Variants in RAPGEF6 observed in about 807,000 individuals in gnomAD.
RAPGEF6 encodes the protein PDZ domain containing guanine nucleotide exchange factor (GEF) 2.
A neutral mutation model predicts 171.4 loss-of-function variants in RAPGEF6; 56 were observed. That is an observed-to-expected ratio of 0.33 (90% CI 0.26 to 0.41). The LOEUF (loss-of-function observed/expected upper bound fraction) is 0.41, where lower values mean the gene tolerates loss of function less well. Among genes scored for constraint, RAPGEF6 ranks in the 10% least tolerant of loss-of-function variants. RAPGEF6 has a pLI of 1.00. For missense variants in RAPGEF6, 1,674 were observed against 1,921.4 expected (o/e 0.87, Z 2.41); for synonymous variants, 692 against 650.1 (o/e 1.06, Z -0.98).
chr5:131,494,828 A>G (rs1037622076), intron 13 of RAPGEF6, among the ~76,000 whole-genome samples: 1 of 152,234 alleles, frequency 6.6e-6, no homozygotes, highest in African/African-American at 2.4e-5. Flanking sequence ...GAGAGAGACC[A>G]TAAGAAAATA....
chr5:131,430,638 T>C, intron 26 of RAPGEF6: 1 of 688,652 alleles, frequency 1.5e-6, no homozygotes, highest in Non-Finnish European at 2.6e-6. Context: ...TCTAATTAAA[T>C]ACCTTCACAT....
In RAPGEF6 at chr5:131,552,279, G is replaced by C. The variant is rs528951698; in HGVS notation, c.352-4089C>G. Among the ~76,000 whole-genome samples the C allele has an allele frequency of 5.3e-5, 8 of 151,862 alleles. No homozygotes were observed. In the East Asian group the frequency reaches 9.8e-4, roughly 19 times the overall value. On this transcript the variant is annotated intron_variant, in intron 5 of 27. Coordinates refer to ENST00000509018, the MANE Select transcript of RAPGEF6 (RefSeq NM_016340.6). ...CTTGCCTGGCACTGGGATAAGAGGA[G>C]GGGGAGCAACTGAACAAAAATTGCC...
At chr5:131,495,868 T>C (rs1467505728) in intron 12 of RAPGEF6, among the ~76,000 whole-genome samples, 2 of 152,210 alleles carry the variant, frequency 1.3e-5, no homozygotes, top group Non-Finnish European at 2.9e-5. Context: ...CAGGACACTG[T>C]CCACTCAGTG....
intron 16 of RAPGEF6, among the ~76,000 whole-genome samples, chr5:131,473,748 A>G (rs1008243676): frequency 3.9e-5 from 6 of 152,368 alleles, no homozygotes; most frequent in African/African-American, 1.2e-4. Context: ...TAAATGAATA[A>G]TATGAAATAC....
chr5:131,561,482 A>C (rs1761596849), intron 5 of RAPGEF6, among the ~76,000 whole-genome samples: 2 of 151,942 alleles, frequency 1.3e-5, no homozygotes, highest in South Asian at 4.1e-4. Flanking sequence ...ACATGGTGAA[A>C]CCCCCATGGC....
At chr5:131,472,452 T>C (rs1283195905) in intron 17 of RAPGEF6, 135 bp downstream of exon 17, 1 of 963,930 alleles carries the variant, frequency 1.0e-6, no homozygotes, top group African/African-American at 1.6e-5. Flanking sequence ...CAATCTCCCT[T>C]TAGTTTTTTG....
chr5:131,621,868 C>T (rs1474220485), intron 1 of RAPGEF6, among the ~76,000 whole-genome samples: 2 of 152,026 alleles, frequency 1.3e-5, no homozygotes, highest in Non-Finnish European at 2.9e-5. Context: ...CACCTGCCTA[C>T]CCTTTGCTCT....
intron 6 of RAPGEF6, among the ~76,000 whole-genome samples, chr5:131,523,957 T>C (rs1020395444): frequency 6.6e-6 from 1 of 152,002 alleles, no homozygotes; most frequent in African/African-American, 2.4e-5. Context: ...GCAGAAGCAA[T>C]TAAACTGACA....
intron 6 of RAPGEF6, among the ~76,000 whole-genome samples, chr5:131,542,075 T>C (rs1438923745): frequency 6.6e-6 from 1 of 152,240 alleles, no homozygotes; most frequent in Non-Finnish European, 1.5e-5. Flanking sequence ...TGAGTGATTC[T>C]GAGGGTAAAT....
At chr5:131,575,962 C>T (rs1362670158) in intron 4 of RAPGEF6, among the ~76,000 whole-genome samples, 3 of 152,166 alleles carry the variant, frequency 2.0e-5, no homozygotes, top group Non-Finnish European at 4.4e-5. Context: ...CTACAACTCT[C>T]ATAACTTTCA....
chr5:131,509,492 A>G (rs983716087), intron 8 of RAPGEF6, among the ~76,000 whole-genome samples: 5 of 152,098 alleles, frequency 3.3e-5, no homozygotes, highest in African/African-American at 4.8e-5. Flanking sequence ...GCAGTGAGCC[A>G]AGATTGCGCC....
chr5:131,610,210 A>G (rs575491744), intron 1 of RAPGEF6, among the ~76,000 whole-genome samples: 3 of 152,314 alleles, frequency 2.0e-5, no homozygotes, highest in Admixed American at 6.5e-5. Flanking sequence ...ATTATTCCCA[A>G]TGAGCCACAA....
chr5:131,547,456 T>C (rs1272546794), intron 6 of RAPGEF6, among the ~76,000 whole-genome samples: 1 of 151,890 alleles, frequency 6.6e-6, no homozygotes, highest in Non-Finnish European at 1.5e-5. Context: ...CAGCTACTTT[T>C]CAGTCTAAAA....
intron 23 of RAPGEF6, among the ~76,000 whole-genome samples, chr5:131,440,820 T>TA (rs1182661048): frequency 6.7e-6 from 1 of 148,990 alleles, no homozygotes; most frequent in South Asian, 2.1e-4. Flanking sequence ...GATATTCAAG[T>TA]AAAAAAACCA....
In RAPGEF6 at chr5:131,562,483, TAA is replaced by T. The variant is rs58823053; in HGVS notation, c.282-438_282-437del. The stretch of plus-strand genomic sequence containing the variant: ...GTGTTAAGACAACAGATACTAAAAA[TAA>T]AAAAACTTAAAAAATATTCACACTT... On this transcript the variant is annotated intron_variant, in intron 4 of 27. Transcript: ENST00000509018. Among the ~76,000 whole-genome samples, 244 of 152,162 alleles carry T rather than the reference TAA, an allele frequency of 1.6e-3. 11 individuals carry two copies. The South Asian group carries it at 0.05, about 31-fold the overall frequency.
chr5:131,455,105 C>T (rs1235103540), intron 20 of RAPGEF6, among the ~76,000 whole-genome samples: 2 of 152,102 alleles, frequency 1.3e-5, no homozygotes, highest in African/African-American at 4.8e-5. Context: ...CCCAGCAATA[C>T]GGAAGCTCTG....
intron 22 of RAPGEF6, 94 bp from the exon 23 acceptor site, chr5:131,442,631 T>G (rs1752459385): frequency 3.1e-5 from 46 of 1,491,438 alleles, no homozygotes; most frequent in Non-Finnish European, 4.0e-5. Context: ...AACCATCTAT[T>G]TTTAGCACAA....
At chr5:131,590,840 G>A (rs1763545775) in intron 4 of RAPGEF6, among the ~76,000 whole-genome samples, 1 of 152,146 alleles carries the variant, frequency 6.6e-6, no homozygotes, top group South Asian at 2.1e-4. Context: ...CAGAACAGCA[G>A]GAGTGTTCAA....
At chr5:131,451,400 A>G (rs758994766) in intron 21 of RAPGEF6, among the ~76,000 whole-genome samples, 8 of 151,640 alleles carry the variant, frequency 5.3e-5, no homozygotes, top group Admixed American at 1.3e-4. Context: ...CCTGGGCAAC[A>G]TGGTGAAACC....
Sources: gnomAD v4.1 joint callset for allele counts (sites outside exome capture counted in the v4.1 genomes callset) on GRCh38, gnomAD v4.1.1 for gene constraint, MANE v1.5 for transcripts, NCBI Gene and HGNC (gene_info 2026-07-23, HGNC 2026-07-21) for gene names.